The following PDZRN4 variants were observed in gnomAD, a reference collection of about 807,000 sequenced individuals.
The protein encoded by PDZRN4 is PDZ domain-containing RING finger protein 4.
In PDZRN4, 70 loss-of-function variants were observed where a neutral mutation model predicts 99.0. The ratio of observed to expected loss-of-function variants is 0.71; its 90% CI spans 0.58 to 0.86. PDZRN4 has a LOEUF of 0.86. PDZRN4 is among the 40% of genes least tolerant of loss of function. PDZRN4 has a pLI of 0.00. For synonymous variants in PDZRN4, 551 were observed against 501.6 expected (o/e 1.10, Z -1.32); for missense variants, 1,474 against 1,331.2 (o/e 1.11, Z -1.67).
At chr12:41,482,353 T>C (rs555273701) in intron 3 of PDZRN4, among the ~76,000 whole-genome samples, 1 of 152,266 alleles carries the variant, frequency 6.6e-6, no homozygotes, top group Non-Finnish European at 1.5e-5. Flanking sequence ...TCAAGGAAGT[T>C]GGAAAAGAAA....
chr12:41,557,954 A>G (rs1939196674), intron 7 of PDZRN4, among the ~76,000 whole-genome samples: 1 of 152,182 alleles, frequency 6.6e-6, no homozygotes, highest in South Asian at 2.1e-4. Context: ...ACATGAATAA[A>G]TCAATGAATG....
intron 3 of PDZRN4, among the ~76,000 whole-genome samples, chr12:41,495,037 T>C (rs1299652979): frequency 6.6e-6 from 1 of 152,174 alleles, no homozygotes; most frequent in Non-Finnish European, 1.5e-5. Context: ...CTTCTATATA[T>C]TCTCTTTGGT....
rs554306473 is a variant in PDZRN4 at position 41,362,965 on chromosome 12, A to T, written c.844-143491A>T. ...GATGTATATGTTCTGTTCTTTTATT[A>T]TAATTTTTCTTTCCAGAGAAAAGTA... On this transcript the variant is annotated intron_variant, in intron 3 of 9. Coordinates refer to ENST00000402685, the MANE Select transcript of PDZRN4 (RefSeq NM_001164595.2). Among the ~76,000 whole-genome samples the T allele has an allele frequency of 2.6e-5, 4 of 152,218 alleles. No individual in the cohort carries two copies. The East Asian group carries it at 7.8e-4, about 30-fold the overall frequency.
chr12:41,536,135 C>T (rs1404361613), intron 5 of PDZRN4, among the ~76,000 whole-genome samples: 3 of 152,124 alleles, frequency 2.0e-5, no homozygotes, highest in South Asian at 4.1e-4. Context: ...AGTAAATATG[C>T]TCAAGGTTAA....
chr12:41,355,791 T>C (rs1427011341), intron 3 of PDZRN4, among the ~76,000 whole-genome samples: 2 of 152,034 alleles, frequency 1.3e-5, no homozygotes, highest in African/African-American at 2.4e-5. Flanking sequence ...TTTTGTTTCA[T>C]GCACAGTTAT....
chr12:41,481,283 G>A (rs1937669643), intron 3 of PDZRN4, among the ~76,000 whole-genome samples: 1 of 151,868 alleles, frequency 6.6e-6, no homozygotes, highest in Admixed American at 6.6e-5. Flanking sequence ...CCCATAATTA[G>A]ACACTCACCT....
chr12:41,428,487 C>A (rs1952556994), intron 3 of PDZRN4, among the ~76,000 whole-genome samples: 2 of 152,066 alleles, frequency 1.3e-5, no homozygotes, highest in Admixed American at 1.3e-4. Flanking sequence ...TATTGCAGTA[C>A]CAGATAGAAC....
At chr12:41,453,451 T>C (rs1952791218) in intron 3 of PDZRN4, among the ~76,000 whole-genome samples, 1 of 152,188 alleles carries the variant, frequency 6.6e-6, no homozygotes, top group South Asian at 2.1e-4. Flanking sequence ...TTGGAGCATA[T>C]TCTGAGAATG....
chr12:41,317,877 C>CT (rs1951649501), intron 3 of PDZRN4, among the ~76,000 whole-genome samples: 1 of 152,000 alleles, frequency 6.6e-6, no homozygotes, highest in South Asian at 2.1e-4. Context: ...CTATTTTTAA[C>CT]TACTGATGTA....
chr12:41,440,494 G>A (rs888631945), intron 3 of PDZRN4, among the ~76,000 whole-genome samples: 19 of 152,090 alleles, frequency 1.2e-4, no homozygotes, highest in Non-Finnish European at 2.6e-4. Flanking sequence ...AAATGTGCTC[G>A]CTGAGGAGTC....
At chr12:41,459,099 A>G (rs1252750974) in intron 3 of PDZRN4, among the ~76,000 whole-genome samples, 1 of 152,150 alleles carries the variant, frequency 6.6e-6, no homozygotes, top group Non-Finnish European at 1.5e-5. Context: ...AATTCAGACA[A>G]ATACCGGCAG....
chr12:41,422,560 G>A (rs1565578909), intron 3 of PDZRN4, among the ~76,000 whole-genome samples: 2 of 152,138 alleles, frequency 1.3e-5, no homozygotes, highest in Non-Finnish European at 2.9e-5. Context: ...AAGGTGAAGG[G>A]GAAGCAAGGA....
Position 41,573,247 on chromosome 12 carries a change from T to G in PDZRN4, c.2468T>G (p.Val823Gly). The G allele has an allele frequency of 6.2e-7, 1 of 1,614,022 alleles. No homozygotes were observed. Among genetic ancestry groups the G allele is most frequent in the South Asian group, 1.1e-5 (1 of 91,084 alleles). The part of the protein sequence containing the change: ...GSKLPDQEKA[V>G]SEHIPYLSPY... Reference sequence around the variant, plus strand: ...AAGCTTCCTGATCAAGAGAAGGCAGTCAGCGAACACATCCCTTACCTCTCT... The same window carrying G: ...AAGCTTCCTGATCAAGAGAAGGCAGGCAGCGAACACATCCCTTACCTCTCT... Residue 823 changes from valine (V) to glycine (G), a missense_variant, in exon 10 of 10, where the codon GTC (valine) becomes GGC (glycine). By Grantham distance (109) the Val-to-Gly change is moderately radical. Coordinates refer to ENST00000402685, the MANE Select transcript of PDZRN4 (RefSeq NM_001164595.2).
intron 7 of PDZRN4, among the ~76,000 whole-genome samples, chr12:41,559,228 T>C (rs2120822149): frequency 6.6e-6 from 1 of 152,096 alleles, no homozygotes; most frequent in Admixed American, 6.5e-5. Flanking sequence ...CAAAGGGGAT[T>C]GTTATAGAGT....
chr12:41,452,494 G>A (rs1421055550), intron 3 of PDZRN4, among the ~76,000 whole-genome samples: 1 of 151,010 alleles, frequency 6.6e-6, no homozygotes, highest in Non-Finnish European at 1.5e-5. Context: ...GGGAACCAAG[G>A]AGTGGTCTTA....
In PDZRN4 at chr12:41,196,779, T is replaced by A. The variant is rs180868262; in HGVS notation, c.843+2591T>A. 1.1e-4 allele frequency among the ~76,000 whole-genome samples: 17 copies of A among 152,232 alleles called. No homozygotes were observed. In the East Asian group the frequency reaches 2.9e-3, roughly 26 times the overall value. ...GGAAATTGAGAAGAAATCTATCAAT[T>A]TAAAATGTGCAGATGCATATTTTAA... is the stretch of plus-strand genomic sequence containing the variant. On this transcript the variant is annotated intron_variant, in intron 3 of 9. Transcript: ENST00000402685.
At chr12:41,388,658 G>T (rs1232032209) in intron 3 of PDZRN4, among the ~76,000 whole-genome samples, 3 of 152,178 alleles carry the variant, frequency 2.0e-5, no homozygotes. Context: ...AAAGAATGGA[G>T]ATGGTGAGAA....
chr12:41,251,765 T>C (rs1951171788), intron 3 of PDZRN4, among the ~76,000 whole-genome samples: 1 of 152,154 alleles, frequency 6.6e-6, no homozygotes, highest in Non-Finnish European at 1.5e-5. Context: ...GATTACAATA[T>C]AGTCAACAAG....
chr12:41,573,773 G>C lies in PDZRN4; in HGVS notation c.2994G>C (p.Lys998Asn). The part of the protein sequence containing the change: ...IELSHKKMMK[K>N]RNKKILDNWM... ...TGAGTCACAAAAAGATGATGAAAAAGAGAAACAAGAAAATTTTGGACAACT... is the reference window on the plus strand; with the variant it reads ...TGAGTCACAAAAAGATGATGAAAAACAGAAACAAGAAAATTTTGGACAACT... Residue 998 changes from lysine to asparagine, a missense_variant, in exon 10 of 10, where the codon AAG becomes AAC. Lys to Asn is a moderately conservative substitution (Grantham distance 94). Coordinates refer to ENST00000402685, the MANE Select transcript of PDZRN4 (RefSeq NM_001164595.2). 1 of 1,613,828 alleles carries C rather than the reference G, an allele frequency of 6.2e-7. No individual in the cohort carries two copies. The highest frequency in any genetic ancestry group is 8.5e-7 in the Non-Finnish European group (1 of 1,179,934).
Sources: gnomAD v4.1 joint callset for allele counts (sites outside exome capture counted in the v4.1 genomes callset) on GRCh38, gnomAD v4.1.1 for gene constraint, MANE v1.5 for transcripts, NCBI Gene and HGNC (gene_info 2026-07-23, HGNC 2026-07-21) for gene names.